WIF1: variants seen among roughly 807,000 people sequenced by gnomAD.
WIF1 encodes Wnt inhibitory factor 1.
WIF1 carries 35 observed loss-of-function variants against 53.5 expected under a neutral mutation model. The observed-to-expected ratio is 0.65, with a 90% CI of 0.50 to 0.87. The LOEUF is 0.87. Among genes scored for constraint, WIF1 ranks in the 40% least tolerant of loss-of-function variants. WIF1 has a pLI of 0.00. For missense variants in WIF1, 467 were observed against 476.8 expected, an observed-to-expected ratio of 0.98 and a Z score of 0.19; for synonymous variants, 171 against 170.4, an observed-to-expected ratio of 1.00 and a Z score of -0.03.
chr12:65,074,527 A>C (rs1486437534), intron 3 of WIF1, among the ~76,000 whole-genome samples: 1 of 152,042 alleles, frequency 6.6e-6, no homozygotes, highest in East Asian at 1.9e-4. Context: ...ATTTTATAGA[A>C]AATTATCTTT....
intron 2 of WIF1, among the ~76,000 whole-genome samples, chr12:65,093,655 T>C (rs1201483870): frequency 6.6e-6 from 1 of 152,142 alleles, no homozygotes; most frequent in Non-Finnish European, 1.5e-5. Context: ...TCAAGCTGAT[T>C]CATTAAAAAA....
intron 2 of WIF1, among the ~76,000 whole-genome samples, chr12:65,096,166 T>C (rs1219241847): frequency 6.6e-6 from 1 of 151,942 alleles, no homozygotes; most frequent in Admixed American, 6.6e-5. Flanking sequence ...TTAAACAAAT[T>C]TACAAGAAAC....
At chr12:65,099,138 C>T (rs1883244695) in intron 2 of WIF1, among the ~76,000 whole-genome samples, 1 of 152,130 alleles carries the variant, frequency 6.6e-6, no homozygotes, top group Admixed American at 6.6e-5. Context: ...TCTTAGTGAC[C>T]TAAGATCTAA....
intron 3 of WIF1, 139 bp downstream of exon 3, chr12:65,077,607 A>T: frequency 3.2e-6 from 2 of 631,470 alleles, no homozygotes; most frequent in Admixed American, 3.0e-5. Context: ...AAAGAATAAC[A>T]GTCAAACTGT....
chr12:65,067,326 C>T (rs1298735263), intron 5 of WIF1, among the ~76,000 whole-genome samples: 1 of 152,052 alleles, frequency 6.6e-6, no homozygotes, highest in Non-Finnish European at 1.5e-5. Context: ...CAAATTCATC[C>T]ACTTTTTTGC....
At chr12:65,101,409 A>T (rs1592401571) in intron 2 of WIF1, among the ~76,000 whole-genome samples, 2 of 152,202 alleles carry the variant, frequency 1.3e-5, no homozygotes, top group South Asian at 4.1e-4. Context: ...TGTTCTGTCT[A>T]CCAGCCTCAG....
chr12:65,062,459 A>T (rs780999186), intron 7 of WIF1, 22 bp downstream of exon 7: 1 of 1,591,624 alleles, frequency 6.3e-7, no homozygotes, highest in Non-Finnish European at 8.6e-7. Context: ...AAGTCAAAAG[A>T]ACGCAGAAAG....
At chr12:65,051,592 G>C (rs1049888002) in intron 9 of WIF1, 122 bp from the exon 10 acceptor site, 46 of 1,250,460 alleles carry the variant, frequency 3.7e-5, no homozygotes, top group Non-Finnish European at 4.5e-5. Flanking sequence ...AAACCGCAAT[G>C]ACCACAAAAA....
At chr12:65,079,719 A>G (rs1166514968) in intron 2 of WIF1, among the ~76,000 whole-genome samples, 1 of 152,108 alleles carries the variant, frequency 6.6e-6, no homozygotes, top group Non-Finnish European at 1.5e-5. Context: ...CACCAATGCT[A>G]ACATGAGAGT....
At chr12:65,109,826 T>C (rs1231174950) in intron 2 of WIF1, among the ~76,000 whole-genome samples, 1 of 152,230 alleles carries the variant, frequency 6.6e-6, no homozygotes, top group Non-Finnish European at 1.5e-5. Flanking sequence ...TCAGGGTTAC[T>C]ATGAAGATTC....
At position 65,090,017 on chromosome 12, in the gene WIF1, A is replaced by G. The variant is rs565569498; in HGVS notation, c.289-12163T>C. Among the ~76,000 whole-genome samples the G allele has an allele frequency of 2.0e-5, 3 of 152,298 alleles. No individual in the cohort carries two copies. In the East Asian group the frequency reaches 5.8e-4, roughly 29 times the overall value. On this transcript the variant is annotated intron_variant, in intron 2 of 9. Transcript: ENST00000286574. ...TTAGTATAGTCTAAAAAAATAGGTAACTCACCTTTTACCATGTCCATTTAA... is the reference window on the plus strand; with the variant it reads ...TTAGTATAGTCTAAAAAAATAGGTAGCTCACCTTTTACCATGTCCATTTAA...
intron 9 of WIF1, among the ~76,000 whole-genome samples, chr12:65,053,726 A>G (rs1882479061): frequency 6.6e-6 from 1 of 152,192 alleles, no homozygotes; most frequent in Non-Finnish European, 1.5e-5. Context: ...CTTAAAGTAA[A>G]CAGATGTATA....
At chr12:65,113,034 C>G (rs774660910) in intron 2 of WIF1, among the ~76,000 whole-genome samples, 7 of 152,112 alleles carry the variant, frequency 4.6e-5, no homozygotes, top group Admixed American at 2.6e-4. Flanking sequence ...AGGGCAGGTA[C>G]TGGGTTTATT....
chr12:65,113,039 T>C (rs1342065032), intron 2 of WIF1, among the ~76,000 whole-genome samples: 1 of 152,170 alleles, frequency 6.6e-6, no homozygotes, highest in African/African-American at 2.4e-5. Context: ...AGGTACTGGG[T>C]TTATTTCTCT....
At chr12:65,087,643 A>C (rs1040521215) in intron 2 of WIF1, among the ~76,000 whole-genome samples, 1 of 152,146 alleles carries the variant, frequency 6.6e-6, no homozygotes, top group East Asian at 1.9e-4. Flanking sequence ...AGGAAAAAAA[A>C]CACAGACTTT....
At chr12:65,057,163 G>A (rs545470313) in intron 7 of WIF1, among the ~76,000 whole-genome samples, 1 of 152,294 alleles carries the variant, frequency 6.6e-6, no homozygotes, top group African/African-American at 2.4e-5. Flanking sequence ...GAAAACAGGA[G>A]TATGGGGCTG....
intron 2 of WIF1, among the ~76,000 whole-genome samples, chr12:65,102,002 T>G (rs1592401775): frequency 1.3e-5 from 2 of 152,234 alleles, no homozygotes; most frequent in Non-Finnish European, 2.9e-5. Flanking sequence ...TTTTTCATTG[T>G]CTACTATGTG....
rs1592400111 is a variant in WIF1, at chr12:65,097,032, A to G, written c.289-19178T>C. ...TATCCTGGAACTTAAAAAAAAAAAA[A>G]AAAGAAACAGATCAACAGAAAAAAA... is the stretch of plus-strand genomic sequence containing the variant. On this transcript the variant is annotated intron_variant, in intron 2 of 9. Transcript: ENST00000286574. Among the ~76,000 whole-genome samples, 9 of 151,998 alleles carry G rather than the reference A, an allele frequency of 5.9e-5. 1 individual carries two copies. In the South Asian group the frequency reaches 1.9e-3, roughly 32 times the overall value.
chr12:65,068,868 T>A lies in WIF1; in HGVS notation c.434A>T (p.Asp145Val). Residue 145 changes from aspartate (D) to valine (V), a missense_variant, in exon 4 of 10, where the codon GAT (aspartate) becomes GTT (valine). Asp to Val is a radical substitution (Grantham distance 152). Transcript: ENST00000286574. ...QVGFPCLGKQ[D>V]GVAAFEVDVI... is the part of the protein sequence containing the mutation. ...ATCCACTTCAAATGCTGCCACCCCA[T>A]CCTGTTTTCCAAGACATGGGAAACC... is the stretch of plus-strand genomic sequence containing the variant. The A allele has an allele frequency of 6.2e-7, 1 of 1,613,452 alleles. No homozygotes were observed. Among genetic ancestry groups the A allele is most frequent in the Non-Finnish European group, 8.5e-7 (1 of 1,179,662 alleles).
Sources: allele counts gnomAD v4.1 joint callset (sites outside exome capture counted in the v4.1 genomes callset), GRCh38; gene constraint gnomAD v4.1.1; transcripts MANE v1.5; gene names NCBI Gene and HGNC (gene_info 2026-07-23, HGNC 2026-07-21).